Variants in NIBAN1 observed in about 807,000 individuals in gnomAD.
NIBAN1 encodes protein Niban 1.
In NIBAN1, 81 loss-of-function variants were observed where a neutral mutation model predicts 75.1. That is an observed-to-expected ratio of 1.08 (90% CI 0.90 to 1.30). The LOEUF (loss-of-function observed/expected upper bound fraction) is 1.30. Among genes scored for constraint, NIBAN1 ranks in the 50% most tolerant of loss-of-function variants. The probability of loss-of-function intolerance (pLI) is 0.00; values close to 1 mark genes in which losing one functional copy is unlikely to be tolerated. For missense variants in NIBAN1, 1,133 were observed against 1,128.1 expected (o/e 1.00, Z -0.06); for synonymous variants, 436 against 424.8 (o/e 1.03, Z -0.32).
intron 1 of NIBAN1, among the ~76,000 whole-genome samples, chr1:184,947,429 G>GT (rs1246298582): frequency 3.9e-5 from 6 of 152,324 alleles, no homozygotes; most frequent in Admixed American, 3.3e-4. Flanking sequence ...CAAAGTTTAT[G>GT]TTGGCGATGA....
At chr1:184,815,044 A>G (rs1302476299) in intron 9 of NIBAN1, among the ~76,000 whole-genome samples, 1 of 152,208 alleles carries the variant, frequency 6.6e-6, no homozygotes, top group East Asian at 1.9e-4. Context: ...TTTAGAACCA[A>G]TATTCACTTC....
intron 1 of NIBAN1, among the ~76,000 whole-genome samples, chr1:184,958,285 G>T (rs1658540170): frequency 6.6e-6 from 1 of 151,938 alleles, no homozygotes; most frequent in South Asian, 2.1e-4. Flanking sequence ...TGAGGCATGA[G>T]AATCGCTTGA....
intron 1 of NIBAN1, among the ~76,000 whole-genome samples, chr1:184,913,645 T>C (rs1571569182): frequency 2.0e-5 from 3 of 152,344 alleles, no homozygotes; most frequent in Admixed American, 2.0e-4. Context: ...TGCAGATTTT[T>C]ATAGGTGAAA....
chr1:184,880,301 C>T (rs234655), intron 5 of NIBAN1, among the ~76,000 whole-genome samples: 13,011 of 152,230 alleles, frequency 0.085, 739 homozygotes, highest in African/African-American at 0.15. Flanking sequence ...TTTAAGTGGC[C>T]TCCTGGCCAC....
intron 12 of NIBAN1, among the ~76,000 whole-genome samples, chr1:184,802,838 A>C (rs1654081588): frequency 6.6e-6 from 1 of 152,204 alleles, no homozygotes; most frequent in African/African-American, 2.4e-5. Flanking sequence ...CCATTTTCTG[A>C]GTGCCTATCA....
At chr1:184,961,478 T>C (rs1406596380) in intron 1 of NIBAN1, among the ~76,000 whole-genome samples, 1 of 152,210 alleles carries the variant, frequency 6.6e-6, no homozygotes, top group African/African-American at 2.4e-5. Flanking sequence ...CCTTGCCCAA[T>C]TGCCACCATC....
intron 1 of NIBAN1, among the ~76,000 whole-genome samples, chr1:184,972,113 AT>A (rs1351417123): frequency 6.6e-6 from 1 of 152,226 alleles, no homozygotes; most frequent in Non-Finnish European, 1.5e-5. Flanking sequence ...CTCAAAATAT[AT>A]TGACTAGCTA....
At chr1:184,880,648 T>C (rs192353679) in intron 5 of NIBAN1, among the ~76,000 whole-genome samples, 1 of 152,362 alleles carries the variant, frequency 6.6e-6, no homozygotes, top group African/African-American at 2.4e-5. Context: ...ATGATTATCC[T>C]GAGCTGGAAG....
At position 184,823,796 on chromosome 1, in the gene NIBAN1, G is replaced by A. The variant is rs146791043; in HGVS notation, c.718-54C>T. The A allele has an allele frequency of 3.4e-6, 5 of 1,473,596 alleles. No homozygotes were observed. In the African/African-American group the frequency reaches 4.2e-5, roughly 12 times the overall value. The allele number at this position is 1,473,596 out of a possible 1,614,324, so 91.3% of individuals were successfully genotyped here. A position where few individuals can be genotyped will look rare whatever the true frequency, so the allele number is the denominator to read the frequency against. On this transcript the variant is annotated intron_variant, in intron 6 of 13. Coordinates refer to ENST00000367511, the MANE Select transcript of NIBAN1 (RefSeq NM_052966.4). ...GTCAGTCGGTGATGGCTACATCTGA[G>A]CATCAGGCCAACTAAAAATGTCCTG...
Position 184,931,763 on chromosome 1 carries a change from G to A in NIBAN1, c.56-32454C>T, listed in dbSNP as rs114440382. ...GCAGGCAAAAGTGCCAAATATCCCAGAAGAAAGGCAGGAAATGTCAAAGCA... is the reference window on the plus strand; with the variant it reads ...GCAGGCAAAAGTGCCAAATATCCCAAAAGAAAGGCAGGAAATGTCAAAGCA... On this transcript the variant is annotated intron_variant, in intron 1 of 13. Transcript: ENST00000367511. 4.6e-3 allele frequency among the ~76,000 whole-genome samples: 694 copies of A among 152,324 alleles called. 10 individuals carry two copies. The highest frequency in any genetic ancestry group is 0.043 in the East Asian group (221 of 5,184).
At chr1:184,914,802 A>C (rs201356807) in intron 1 of NIBAN1, among the ~76,000 whole-genome samples, 118 of 151,304 alleles carry the variant, frequency 7.8e-4, no homozygotes, top group African/African-American at 2.7e-3. Context: ...AGCTCACTGC[A>C]ACCTCTGCCT....
intron 5 of NIBAN1, among the ~76,000 whole-genome samples, chr1:184,861,155 C>G (rs1050649689): frequency 6.6e-6 from 1 of 152,182 alleles, no homozygotes; most frequent in African/African-American, 2.4e-5. Flanking sequence ...CCCAAAATAC[C>G]TAGGCAAATG....
intron 5 of NIBAN1, among the ~76,000 whole-genome samples, chr1:184,874,395 C>A (rs1475340467): frequency 6.6e-6 from 1 of 151,724 alleles, no homozygotes; most frequent in Non-Finnish European, 1.5e-5. Flanking sequence ...TGTATATGTA[C>A]CATTTAAGTG....
intron 3 of NIBAN1, among the ~76,000 whole-genome samples, chr1:184,893,860 C>T (rs1264904011): frequency 6.6e-6 from 1 of 152,226 alleles, no homozygotes; most frequent in Non-Finnish European, 1.5e-5. Context: ...CCTTGTATAA[C>T]ACTTGGTATG....
chr1:184,836,176 A>G (rs1655137889), intron 5 of NIBAN1, among the ~76,000 whole-genome samples: 1 of 152,208 alleles, frequency 6.6e-6, no homozygotes, highest in Non-Finnish European at 1.5e-5. Context: ...GGATTGTGAT[A>G]TGGGGCTTAG....
intron 6 of NIBAN1, among the ~76,000 whole-genome samples, chr1:184,824,613 C>T (rs758065658): frequency 4.6e-5 from 7 of 152,132 alleles, no homozygotes; most frequent in African/African-American, 1.4e-4. Flanking sequence ...AGAAAGCTGA[C>T]GATGCTGGAG....
At chr1:184,815,594 G>A (rs528958921) in intron 9 of NIBAN1, among the ~76,000 whole-genome samples, 3 of 152,286 alleles carry the variant, frequency 2.0e-5, no homozygotes, top group African/African-American at 7.2e-5. Flanking sequence ...GCCTCTATGA[G>A]CAGTATAAAT....
At chr1:184,924,004 A>G (rs1302783887) in intron 1 of NIBAN1, among the ~76,000 whole-genome samples, 1 of 151,256 alleles carries the variant, frequency 6.6e-6, no homozygotes, top group Admixed American at 6.6e-5. Flanking sequence ...TAAAGATAAG[A>G]TCATGTCATC....
chr1:184,900,670 G>T (rs1656930152), intron 1 of NIBAN1, among the ~76,000 whole-genome samples: 1 of 152,076 alleles, frequency 6.6e-6, no homozygotes, highest in Non-Finnish European at 1.5e-5. Flanking sequence ...TGCAAAGGAG[G>T]GAAGAGAGAA....
Sources: allele counts gnomAD v4.1 joint callset (sites outside exome capture counted in the v4.1 genomes callset), GRCh38; gene constraint gnomAD v4.1.1; transcripts MANE v1.5; gene names NCBI Gene and HGNC (gene_info 2026-07-23, HGNC 2026-07-21).